LCA5L: variants seen among roughly 807,000 people sequenced by gnomAD.
LCA5L encodes the protein lebercilin LCA5 like.
Under a neutral mutation model 45.4 loss-of-function variants are expected in LCA5L, and 35 were observed. The observed-to-expected ratio is 0.77, with a 90% confidence interval of 0.59 to 1.02. The LOEUF is 1.02. LCA5L is among the 50% of genes least tolerant of loss of function. The pLI, the probability that LCA5L is intolerant of heterozygous loss-of-function variation, is 0.00. For missense variants in LCA5L, 668 were observed against 761.6 expected (o/e 0.88, Z 1.45); for synonymous variants, 233 against 264.7 (o/e 0.88, Z 1.16).
chr21:39,441,052 T>C (rs1250127492), intron 2 of LCA5L, among the ~76,000 whole-genome samples: 1 of 152,172 alleles, frequency 6.6e-6, no homozygotes, highest in Non-Finnish European at 1.5e-5. Context: ...TTAACACTGA[T>C]TGGCCTGGCG....
chr21:39,438,827 G>A (rs1027149608), intron 2 of LCA5L: 6 of 152,232 alleles, frequency 3.9e-5, no homozygotes, highest in African/African-American at 1.2e-4. Context: ...ATCTGTGTAT[G>A]TGTAGATATG....
intron 7 of LCA5L, among the ~76,000 whole-genome samples, chr21:39,412,821 G>C (rs537088134): frequency 6.6e-6 from 1 of 152,324 alleles, no homozygotes; most frequent in South Asian, 2.1e-4. Context: ...TGGAGCTAAA[G>C]TAACATGGTA....
In LCA5L at chr21:39,409,052, T is replaced by G. The variant is rs144985403; in HGVS notation, c.1282+927A>C. On this transcript the variant is annotated intron_variant, in intron 10 of 10. Transcript: ENST00000288350. The surrounding 1 kb of genome is among the most constrained non-coding windows in gnomAD (Gnocchi z 4.2). ...GCCGTAACCCCCAGTATGGCTATAT[T>G]TGGAGACTGGGTCTTTAAGGAAGTA... is the stretch of plus-strand genomic sequence containing the variant. Among the ~76,000 whole-genome samples, 4 of 152,328 alleles carry G rather than the reference T, an allele frequency of 2.6e-5. No homozygotes were observed. The highest frequency in any genetic ancestry group is 9.6e-5 in the African/African-American group (4 of 41,572).
chr21:39,430,199 C>T (rs962591408), intron 3 of LCA5L, among the ~76,000 whole-genome samples: 12 of 152,188 alleles, frequency 7.9e-5, no homozygotes, highest in Non-Finnish European at 1.2e-4. Flanking sequence ...TTCCTCCTCA[C>T]CTATCTTGGT....
At chr21:39,417,859 G>A (rs971516268) in intron 7 of LCA5L, among the ~76,000 whole-genome samples, 15 of 152,046 alleles carry the variant, frequency 9.9e-5, no homozygotes, top group African/African-American at 2.9e-4. Flanking sequence ...TCCGCCTCCC[G>A]AGTTCACACC....
chr21:39,411,731 C>T lies in LCA5L; in HGVS notation c.1047G>A (p.Glu349=). 2 of 1,525,382 alleles carry T rather than the reference C, an allele frequency of 1.3e-6. No individual in the cohort carries two copies. Among genetic ancestry groups the T allele is most frequent in the Non-Finnish European group, 1.8e-6 (2 of 1,108,100 alleles). 94.5% of individuals were successfully genotyped at this position (1,525,382 alleles called of 1,614,324 possible). ...ATTAAAACATACCTTTTGGATAGTC[C>T]TCTGTGTCATGTAAATTTTTAAGTA... ...HRILKNLHDT[E]DYPKVSSTKS... Residue 349 remains glutamate (E), a synonymous_variant, in exon 8 of 11, where the codon GAG becomes GAA. Coordinates refer to ENST00000288350, the MANE Select transcript of LCA5L (RefSeq NM_152505.4).
chr21:39,440,609 G>A (rs748068045), intron 2 of LCA5L, among the ~76,000 whole-genome samples: 2 of 152,214 alleles, frequency 1.3e-5, no homozygotes, highest in Non-Finnish European at 2.9e-5. Flanking sequence ...AATGCAAAGG[G>A]AAAACAGGTG....
chr21:39,415,451 T>G (rs892199758), intron 7 of LCA5L, among the ~76,000 whole-genome samples: 2 of 152,218 alleles, frequency 1.3e-5, no homozygotes, highest in African/African-American at 2.4e-5. Context: ...ACAACTCATG[T>G]GCTGTTTCCC....
At chr21:39,408,293 C>T (rs185426942) in intron 10 of LCA5L, among the ~76,000 whole-genome samples, 11 of 152,272 alleles carry the variant, frequency 7.2e-5, no homozygotes, top group African/African-American at 2.6e-4. Flanking sequence ...GAGAGGTATA[C>T]AAATTTACCT....
At chr21:39,410,752 C>A (rs2039953098) in intron 8 of LCA5L, 5 of 455,588 alleles carry the variant, frequency 1.1e-5, no homozygotes, top group South Asian at 8.0e-5. Context: ...AAGCGCATGA[C>A]CACTAAATCT....
intron 10 of LCA5L, chr21:39,407,699 T>G (rs2039326980): frequency 6.6e-6 from 1 of 152,224 alleles, no homozygotes; most frequent in African/African-American, 2.4e-5. Context: ...GGTTTTGCAT[T>G]TGCTTCCTCC....
intron 5 of LCA5L, 40 bp downstream of exon 5, chr21:39,428,132 G>A (rs1378328250): frequency 8.6e-7 from 1 of 1,163,392 alleles, no homozygotes; most frequent in Admixed American, 2.1e-5. Context: ...ACATCATTAT[G>A]ACAGAAATTT....
chr21:39,406,944 T>C (rs1424215433), intron 10 of LCA5L, among the ~76,000 whole-genome samples: 1 of 152,170 alleles, frequency 6.6e-6, no homozygotes, highest in African/African-American at 2.4e-5. Flanking sequence ...GAAACAATGA[T>C]GGCTGGGTGC....
intron 7 of LCA5L, 93 bp downstream of exon 7, chr21:39,420,613 A>G: frequency 8.7e-7 from 1 of 1,151,122 alleles, no homozygotes; most frequent in Non-Finnish European, 1.2e-6. Flanking sequence ...TGTATGTAAA[A>G]TAAAAAATCA....
chr21:39,442,539 G>A (rs1255105919), intron 2 of LCA5L, among the ~76,000 whole-genome samples: 2 of 152,118 alleles, frequency 1.3e-5, no homozygotes, highest in Non-Finnish European at 2.9e-5. Flanking sequence ...GCGGCAGGCT[G>A]AATGAAGGTG....
chr21:39,416,895 C>T (rs1179897859), intron 7 of LCA5L, among the ~76,000 whole-genome samples: 1 of 152,154 alleles, frequency 6.6e-6, no homozygotes, highest in African/African-American at 2.4e-5. Context: ...CTTGGAATGG[C>T]TTCTTTCTGT....
intron 3 of LCA5L, among the ~76,000 whole-genome samples, chr21:39,433,174 T>C (rs368420479): frequency 5.5e-4 from 83 of 152,278 alleles, no homozygotes; most frequent in African/African-American, 1.9e-3. Context: ...CCCAGCACTT[T>C]GGGAGGCCAA....
intron 8 of LCA5L, 33 bp from the exon 9 acceptor site, chr21:39,410,400 T>C (rs1450559361): frequency 2.7e-6 from 3 of 1,122,686 alleles, no homozygotes; most frequent in Admixed American, 2.2e-5. Flanking sequence ...GTAAGAAACA[T>C]ATTTTACATT....
chr21:39,406,880 C>T, intron 10 of LCA5L: 1 of 385,342 alleles, frequency 2.6e-6, no homozygotes. Flanking sequence ...ATAAAATTTG[C>T]CAATAAGGTT....
Sources: gnomAD v4.1 joint callset for allele counts (sites outside exome capture counted in the v4.1 genomes callset) on GRCh38, gnomAD v4.1.1 for gene constraint, Gnocchi (gnomAD v3.1) non-coding constraint, MANE v1.5 for transcripts, NCBI Gene and HGNC (gene_info 2026-07-23, HGNC 2026-07-21) for gene names.